GYS1: variants seen among roughly 807,000 people sequenced by gnomAD.
GYS1 encodes glycogen synthase 1, also known as glycogen [starch] synthase, muscle.
In GYS1, 60 loss-of-function variants were observed where a neutral mutation model predicts 89.1. The ratio of observed to expected loss-of-function variants is 0.67; its 90% CI spans 0.55 to 0.84. The LOEUF is 0.84. Among genes scored for constraint, GYS1 ranks in the 40% least tolerant of loss-of-function variants. The pLI, the probability that GYS1 is intolerant of heterozygous loss-of-function variation, is 0.00. For synonymous variants in GYS1, 366 were observed against 401.7 expected (o/e 0.91, Z 1.06); for missense variants, 888 against 1,003.1 (o/e 0.89, Z 1.55).
chr19:48,973,914 C>T (rs1264153853), intron 12 of GYS1, among the ~76,000 whole-genome samples: 3 of 152,106 alleles, frequency 2.0e-5, no homozygotes, highest in Non-Finnish European at 2.9e-5. Flanking sequence ...TGGCCACACT[C>T]GGCTGTATTT....
intron 10 of GYS1, among the ~76,000 whole-genome samples, chr19:48,975,988 A>G (rs1347565477): frequency 6.6e-6 from 1 of 151,898 alleles, no homozygotes; most frequent in Non-Finnish European, 1.5e-5. Flanking sequence ...AAGAAACCAC[A>G]ATTTCCAAGA....
intron 10 of GYS1, among the ~76,000 whole-genome samples, chr19:48,976,673 A>T (rs1033543750): frequency 6.6e-6 from 1 of 152,140 alleles, no homozygotes; most frequent in Non-Finnish European, 1.5e-5. Flanking sequence ...TTTTAGGGGT[A>T]GAGGTGGAGC....
At position 48,974,719 on chromosome 19, in the gene GYS1, G is replaced by A. The variant is rs781496101; in HGVS notation, c.1323C>T (p.Pro441=). ...CCAGCATATTGTGGGTGCACACAGG[G>A]GGGAAAGACTGCCGCTGCAGGAGCC... ...AIFATQRQSF[P]PVCTHNMLDD... The change falls in exon 11 of 16, where the codon CCC becomes CCT. Residue 441 remains proline (P), a synonymous_variant. Transcript: ENST00000323798. The A allele has an allele frequency of 3.7e-6, 6 of 1,612,500 alleles. No homozygotes were observed. The South Asian group carries it at 6.6e-5, about 18-fold the overall frequency.
At chr19:48,970,027 G>A (rs1441699963) in intron 14 of GYS1, among the ~76,000 whole-genome samples, 172 bp from the exon 15 acceptor site, 4 of 152,168 alleles carry the variant, frequency 2.6e-5, no homozygotes, top group African/African-American at 9.7e-5. Context: ...ACCTGTGAAT[G>A]GACAGTTTCT....
intron 4 of GYS1, 94 bp downstream of exon 4, chr19:48,985,756 G>A (rs1016777818): frequency 7.2e-6 from 11 of 1,525,718 alleles, no homozygotes; most frequent in Non-Finnish European, 8.2e-6. Flanking sequence ...CCTGGATCCT[G>A]GGAGAAGAGG....
At chr19:48,970,101 T>C (rs552489678) in intron 14 of GYS1, among the ~76,000 whole-genome samples, 1 of 152,290 alleles carries the variant, frequency 6.6e-6, no homozygotes, top group Admixed American at 6.5e-5. Flanking sequence ...CACACCCTTA[T>C]GCAAATGAGA....
Position 48,991,842 on chromosome 19 carries a change from C to G in GYS1, c.119-359G>C, listed in dbSNP as rs1274541300. Among the ~76,000 whole-genome samples, 1 of 152,074 alleles carries G rather than the reference C, an allele frequency of 6.6e-6. No homozygotes were observed. ...TAAGGATGGCAGAGCTGAGGACTGA[C>G]TACCCGGACTCAGGTTCCCGAGTTC... On this transcript the variant is annotated intron_variant, in intron 1 of 15. Transcript: ENST00000323798. This position sits in a 1 kb window ranked among gnomAD's most constrained non-coding sequence, Gnocchi z 4.7.
At position 48,988,729 on chromosome 19, in the gene GYS1, C is replaced by T. The variant is rs1048859447; in HGVS notation, c.301-1344G>A. Among the ~76,000 whole-genome samples, 32 of 152,104 alleles carry T rather than the reference C, an allele frequency of 2.1e-4. 1 individual carries two copies. The highest frequency in any genetic ancestry group is 1.3e-4 in the Non-Finnish European group (9 of 68,018). ...TCCCAGGCTCAAGCAATCCTTCCACCGCAGCTTCCCACGTAGCTGGGACCA... is the reference window on the plus strand; with the variant it reads ...TCCCAGGCTCAAGCAATCCTTCCACTGCAGCTTCCCACGTAGCTGGGACCA... On this transcript the variant is annotated intron_variant, in intron 2 of 15. Coordinates refer to ENST00000323798, the MANE Select transcript of GYS1 (RefSeq NM_002103.5).
Position 48,974,195 on chromosome 19 carries a change from C to G in GYS1, c.1549+18G>C. ...CTAGGATGCCATGACCACGCTGTCCCCTGCCCACTACACTCACCCGGTGTG... is the reference window on the plus strand; with the variant it reads ...CTAGGATGCCATGACCACGCTGTCCGCTGCCCACTACACTCACCCGGTGTG... On this transcript the variant is annotated intron_variant, in intron 12 of 15. Coordinates refer to ENST00000323798, the MANE Select transcript of GYS1 (RefSeq NM_002103.5). The G allele has an allele frequency of 6.3e-7, 1 of 1,585,238 alleles. No homozygotes were observed. The highest frequency in any genetic ancestry group is 8.6e-7 in the Non-Finnish European group (1 of 1,165,024).
chr19:48,982,305 C>G lies in GYS1; in HGVS notation c.1012G>C (p.Gly338Arg), dbSNP rs1214342035. Reference sequence around the variant, plus strand: ...AATGCCTCCAGGAAGACGTCAGCACCCTTGTTGGAGAACTCATAGCGGCCG... The same window carrying G: ...AATGCCTCCAGGAAGACGTCAGCACGCTTGTTGGAGAACTCATAGCGGCCG... ...IAGRYEFSNK[G>R]ADVFLEALAR... Residue 338 changes from glycine (G) to arginine (R), a missense_variant, in exon 7 of 16, where the codon GGT becomes CGT. Gly to Arg is a moderately radical substitution (Grantham distance 125). Transcript: ENST00000323798. 2 of 1,613,732 alleles carry G rather than the reference C, an allele frequency of 1.2e-6. No homozygotes were observed. The highest frequency in any genetic ancestry group is 1.7e-6 in the Non-Finnish European group (2 of 1,179,838).
intron 4 of GYS1, 81 bp downstream of exon 4, chr19:48,985,769 G>A: frequency 6.5e-7 from 1 of 1,539,396 alleles, no homozygotes; most frequent in African/African-American, 1.4e-5. Flanking sequence ...AGAAGAGGGG[G>A]TGCCATCCCC....
rs373514821 is a variant in GYS1 at position 48,969,897 on chromosome 19, G to A, written c.1810-42C>T. The A allele has an allele frequency of 2.1e-4, 291 of 1,409,040 alleles. 1 individual carries two copies. In the African/African-American group the frequency reaches 2.6e-3, roughly 12 times the overall value. 87.3% of individuals were successfully genotyped at this position (1,409,040 alleles called of 1,614,324 possible). ...GAGGGGGCAGAGGATGTGAGAGCCA[G>A]GCCCCACCCCCAGGCAGATGATGGG... On this transcript the variant is annotated intron_variant, in intron 14 of 15. Transcript: ENST00000323798.
Position 48,973,304 on chromosome 19 carries a change from C to T in GYS1, c.1549+909G>A, listed in dbSNP as rs571434257. ...ACGGTGAGTCAATTACACCTCTTTCCGTTATAAATTACCCAGTCTTGGATT... is the reference window on the plus strand; with the variant it reads ...ACGGTGAGTCAATTACACCTCTTTCTGTTATAAATTACCCAGTCTTGGATT... On this transcript the variant is annotated intron_variant, in intron 12 of 15. Transcript: ENST00000323798. Among the ~76,000 whole-genome samples, 15 of 147,674 alleles carry T rather than the reference C, an allele frequency of 1.0e-4. No homozygotes were observed. In the South Asian group the frequency reaches 1.7e-3, roughly 17 times the overall value.
intron 8 of GYS1, among the ~76,000 whole-genome samples, chr19:48,980,672 A>AAG (rs1183946951): frequency 1.3e-5 from 2 of 151,846 alleles, no homozygotes; most frequent in African/African-American, 4.8e-5. Flanking sequence ...AAAAAAAAAA[A>AAG]AATCAGAGAA....
chr19:48,979,348 T>C (rs1455826838), intron 8 of GYS1, among the ~76,000 whole-genome samples: 1 of 17,836 alleles, frequency 5.6e-5, no homozygotes, highest in African/African-American at 4.2e-4. Flanking sequence ...TTTTTTTTTT[T>C]TTTTTTTTTT....
At chr19:48,990,608 A>G (rs1240421138) in intron 2 of GYS1, among the ~76,000 whole-genome samples, 1 of 152,214 alleles carries the variant, frequency 6.6e-6, no homozygotes, top group African/African-American at 2.4e-5. Flanking sequence ...TCATGCCAAG[A>G]ACTCTACTAA....
In GYS1 at chr19:48,969,512, G is replaced by A. The variant is rs886054568; in HGVS notation, c.1990C>T (p.Arg664Trp). 7 of 1,543,998 alleles carry A rather than the reference G, an allele frequency of 4.5e-6. No homozygotes were observed. Among genetic ancestry groups the A allele is most frequent in the Non-Finnish European group, 6.1e-6 (7 of 1,146,872 alleles). Reference protein sequence around the residue: ...PHQSEDEEDPRNGPLEEDGER... With the variant: ...PHQSEDEEDPWNGPLEEDGER... ...CCGTCTTCCTCCAGCGGCCCGTTCCGGGGATCCTCCTCGTCCTCACTCTGG... is the reference window on the plus strand; with the variant it reads ...CCGTCTTCCTCCAGCGGCCCGTTCCAGGGATCCTCCTCGTCCTCACTCTGG... The change falls in exon 16 of 16, where the codon CGG becomes TGG. Residue 664 changes from arginine (R) to tryptophan (W), a missense_variant. Transcript: ENST00000323798.
chr19:48,970,949 T>A lies in GYS1; in HGVS notation c.1624A>T (p.Ile542Phe). 1 of 1,613,682 alleles carries A rather than the reference T, an allele frequency of 6.2e-7. No homozygotes were observed. Among genetic ancestry groups the A allele is most frequent in the Non-Finnish European group, 8.5e-7 (1 of 1,179,580 alleles). ...TGACCGTAAGCTGAGGGGTCTGCGA[T>A]GTGTTCCTCCATGAAGCAGCCGAAG... ...SGFGCFMEEH[I>F]ADPSAYGIYI... is the part of the protein sequence containing the mutation. The change falls in exon 13 of 16, where the codon ATC (isoleucine) becomes TTC (phenylalanine). Residue 542 changes from isoleucine to phenylalanine, a missense_variant. By Grantham distance (21) the Ile-to-Phe change is conservative. Coordinates refer to ENST00000323798, the MANE Select transcript of GYS1 (RefSeq NM_002103.5).
At chr19:48,982,698 C>T (rs774932741) in intron 6 of GYS1, 22 bp downstream of exon 6, 1 of 1,471,452 alleles carries the variant, frequency 6.8e-7, no homozygotes, top group Non-Finnish European at 9.5e-7. Flanking sequence ...TCTCTTAAGA[C>T]CTAGGTATAT....
Sources: allele counts gnomAD v4.1 joint callset (sites outside exome capture counted in the v4.1 genomes callset), GRCh38; gene constraint gnomAD v4.1.1; non-coding constraint Gnocchi (gnomAD v3.1); transcripts MANE v1.5; gene names NCBI Gene and HGNC (gene_info 2026-07-23, HGNC 2026-07-21).